Variants in RASEF observed in about 807,000 individuals in gnomAD.
The protein encoded by RASEF is RAS and EF-hand domain containing.
Under a neutral mutation model 90.1 loss-of-function variants are expected in RASEF, and 68 were observed. The ratio of observed to expected loss-of-function variants is 0.75; its 90% CI spans 0.62 to 0.92. RASEF has a LOEUF of 0.92. Ranked by LOEUF, RASEF falls within the 40% of genes least tolerant of loss-of-function variation. The pLI is 0.00. For missense variants in RASEF, 949 were observed against 937.2 expected, an observed-to-expected ratio of 1.01 and a Z score of -0.16; for synonymous variants, 331 against 345.2, an observed-to-expected ratio of 0.96 and a Z score of 0.46.
At chr9:83,157,367 A>G in the RASEF span, among the ~76,000 whole-genome samples, 1 of 152,194 alleles carries the variant, frequency 6.6e-6, no homozygotes, top group Non-Finnish European at 1.5e-5. Flanking sequence ...GCCTTCATGA[A>G]TGAAATAATG....
chr9:83,167,191 A>G, the RASEF span, among the ~76,000 whole-genome samples: 1 of 152,096 alleles, frequency 6.6e-6, no homozygotes, highest in East Asian at 1.9e-4. Flanking sequence ...TGAGTCTCAA[A>G]ATCAGGCAAT....
At chr9:83,112,012 G>A in the RASEF span, among the ~76,000 whole-genome samples, 2 of 151,740 alleles carry the variant, frequency 1.3e-5, no homozygotes, top group Admixed American at 1.3e-4. Flanking sequence ...AAGAGTAGAG[G>A]CAAATAATCG....
At position 82,989,513 on chromosome 9, in the gene RASEF, C is replaced by T. The variant is rs915400427; in HGVS notation, c.2117+878G>A. Among the ~76,000 whole-genome samples, 12 of 152,216 alleles carry T rather than the reference C, an allele frequency of 7.9e-5. No homozygotes were observed. The South Asian group carries it at 1.5e-3, about 18-fold the overall frequency. Reference sequence around the variant, plus strand: ...AATTAAAGGTGTGGGCCACTGCACCCGGCCCTAAGTCATTAATTGAAAAAC... The same window carrying T: ...AATTAAAGGTGTGGGCCACTGCACCTGGCCCTAAGTCATTAATTGAAAAAC... On this transcript the variant is annotated intron_variant, in intron 16 of 16. Transcript: ENST00000376447.
At chr9:83,014,957 G>A (rs1829317450) in intron 4 of RASEF, among the ~76,000 whole-genome samples, 1 of 152,034 alleles carries the variant, frequency 6.6e-6, no homozygotes, top group Non-Finnish European at 1.5e-5. Flanking sequence ...CCAAATAGAG[G>A]AAAAGCCAAA....
chr9:83,038,276 A>C (rs1829778725), intron 1 of RASEF, among the ~76,000 whole-genome samples: 1 of 152,154 alleles, frequency 6.6e-6, no homozygotes, highest in Non-Finnish European at 1.5e-5. Flanking sequence ...TAACATTTAC[A>C]TGTCAATACC....
the RASEF span, among the ~76,000 whole-genome samples, chr9:83,207,429 T>A: frequency 6.6e-6 from 1 of 152,134 alleles, no homozygotes; most frequent in South Asian, 2.1e-4. Flanking sequence ...ATATACCATG[T>A]GCATCTGCAG....
chr9:83,089,424 A>C, the RASEF span, among the ~76,000 whole-genome samples: 1 of 152,096 alleles, frequency 6.6e-6, no homozygotes, highest in East Asian at 1.9e-4. Context: ...AATATCCTTT[A>C]ATTTCACCCT....
intron 1 of RASEF, among the ~76,000 whole-genome samples, chr9:83,032,528 C>T (rs1432810413): frequency 1.3e-5 from 2 of 152,166 alleles, no homozygotes; most frequent in Non-Finnish European, 2.9e-5. Flanking sequence ...ACTAATATAC[C>T]TAATTTGTGT....
At chr9:83,137,221 A>G in the RASEF span, among the ~76,000 whole-genome samples, 1 of 152,104 alleles carries the variant, frequency 6.6e-6, no homozygotes, top group African/African-American at 2.4e-5. Context: ...TTATATTGGT[A>G]TTCTCCAGTC....
intron 1 of RASEF, among the ~76,000 whole-genome samples, chr9:83,028,914 A>G (rs1026855683): frequency 9.9e-5 from 15 of 152,206 alleles, no homozygotes; most frequent in African/African-American, 3.6e-4. Context: ...GAACCCAGAC[A>G]TACACACAGA....
At chr9:83,176,628 C>A in the RASEF span, among the ~76,000 whole-genome samples, 2 of 151,734 alleles carry the variant, frequency 1.3e-5, no homozygotes, top group African/African-American at 4.8e-5. Context: ...CCATTATTTT[C>A]TCACTATATT....
chr9:83,012,064 G>C (rs1308004396), intron 5 of RASEF, among the ~76,000 whole-genome samples: 2 of 151,604 alleles, frequency 1.3e-5, no homozygotes, highest in Non-Finnish European at 2.9e-5. Flanking sequence ...GCTGGCGTAA[G>C]ATGGAAAAGC....
intron 16 of RASEF, among the ~76,000 whole-genome samples, chr9:82,986,881 C>CGAT (rs1448170471): frequency 1.3e-5 from 2 of 151,946 alleles, no homozygotes; most frequent in African/African-American, 4.8e-5. Flanking sequence ...TGGTTATGAA[C>CGAT]GATGACCTAT....
chr9:83,003,966 A>G (rs924097976), intron 9 of RASEF, among the ~76,000 whole-genome samples: 1 of 152,220 alleles, frequency 6.6e-6, no homozygotes, highest in South Asian at 2.1e-4. Flanking sequence ...ATTTCAGTTC[A>G]TTTGATTAAA....
chr9:83,103,256 C>A, the RASEF span, among the ~76,000 whole-genome samples: 1 of 152,140 alleles, frequency 6.6e-6, no homozygotes, highest in African/African-American at 2.4e-5. Flanking sequence ...CCACTTAGAA[C>A]CTCTGAGGTT....
chr9:83,114,094 G>T, the RASEF span, among the ~76,000 whole-genome samples: 1 of 152,196 alleles, frequency 6.6e-6, no homozygotes, highest in East Asian at 1.9e-4. Flanking sequence ...GTTGTGGGAA[G>T]TCAAGGACCC....
At chr9:82,999,149 C>T (rs936440499) in intron 12 of RASEF, among the ~76,000 whole-genome samples, 2 of 152,070 alleles carry the variant, frequency 1.3e-5, no homozygotes, top group African/African-American at 4.8e-5. Context: ...AAAATAAGAA[C>T]TCTTTAGACG....
In RASEF at chr9:82,982,573, T is replaced by A; in HGVS notation, c.*104A>T. The A allele has an allele frequency of 2.7e-6, 2 of 736,932 alleles. No individual in the cohort carries two copies. Among genetic ancestry groups the A allele is most frequent in the Admixed American group, 1.8e-5 (1 of 56,158 alleles). The allele number at this position is 736,932 out of a possible 1,614,324, so 45.6% of individuals were successfully genotyped here. A position where few individuals can be genotyped will look rare whatever the true frequency, so the allele number is the denominator to read the frequency against. On this transcript the variant is annotated 3_prime_UTR_variant, in exon 17 of 17. Coordinates refer to ENST00000376447, the MANE Select transcript of RASEF (RefSeq NM_152573.4). Reference sequence around the variant, plus strand: ...AGGTTTCCTGCACTGTAACTCTCCATAGGACAGTGTCAGTAGGATGTGCCA... The same window carrying A: ...AGGTTTCCTGCACTGTAACTCTCCAAAGGACAGTGTCAGTAGGATGTGCCA...
chr9:83,016,388 G>C (rs551663195), intron 3 of RASEF, among the ~76,000 whole-genome samples: 33 of 152,038 alleles, frequency 2.2e-4, no homozygotes, highest in Middle Eastern at 6.8e-3. Context: ...GTACTTCTCG[G>C]GGGTGTCCCT....
Sources: gnomAD v4.1 joint callset for allele counts (sites outside exome capture counted in the v4.1 genomes callset) on GRCh38, gnomAD v4.1.1 for gene constraint, MANE v1.5 for transcripts, NCBI Gene and HGNC (gene_info 2026-07-23, HGNC 2026-07-21) for gene names.